The following SCIN variants were observed in gnomAD, a reference collection of about 807,000 sequenced individuals.
SCIN encodes adseverin.
SCIN carries 91 observed loss-of-function variants against 91.8 expected under a neutral mutation model. The ratio of observed to expected loss-of-function variants is 0.99; its 90% CI spans 0.84 to 1.18. SCIN has a LOEUF of 1.18. Among genes scored for constraint, SCIN ranks in the 50% most tolerant of loss-of-function variants. The pLI is 0.00. For synonymous variants in SCIN, 367 were observed against 312.6 expected, an observed-to-expected ratio of 1.17 and a Z score of -1.84; for missense variants, 1,087 against 863.9, an observed-to-expected ratio of 1.26 and a Z score of -3.24.
chr7:12,570,864 G>C lies in SCIN; in HGVS notation c.78G>C (p.Lys26Asn). The C allele has an allele frequency of 6.4e-7, 1 of 1,551,638 alleles. No homozygotes were observed. The highest frequency in any genetic ancestry group is 8.7e-7 in the Non-Finnish European group (1 of 1,146,980). Residue 26 changes from lysine to asparagine, a missense_variant, in exon 1 of 16, where the codon AAG (lysine) becomes AAC (asparagine). Transcript: ENST00000297029. ...GGCTGCAGGTCTGGAGGATTGAGAAGCTGGAGCTGGTGCCCGTGCCCCAGA... is the reference window on the plus strand; with the variant it reads ...GGCTGCAGGTCTGGAGGATTGAGAACCTGGAGCTGGTGCCCGTGCCCCAGA... ...QAGLQVWRIE[K>N]LELVPVPQSA...
At chr7:12,571,011 C>G (rs559114429) in intron 1 of SCIN, 26 bp downstream of exon 1, 24 of 1,540,634 alleles carry the variant, frequency 1.6e-5, no homozygotes, top group South Asian at 4.8e-5. Flanking sequence ...CGGCGGGACC[C>G]CGACGCACCA....
rs1403150256 is a variant in SCIN at position 12,608,314 on chromosome 7, C to T, written c.666+3651C>T. Reference sequence around the variant, plus strand: ...TCCAAACCAGTCTATACTATGCATGCACACATGCACACACACACACACACA... The same window carrying T: ...TCCAAACCAGTCTATACTATGCATGTACACATGCACACACACACACACACA... On this transcript the variant is annotated intron_variant, in intron 4 of 15. Coordinates refer to ENST00000297029, the MANE Select transcript of SCIN (RefSeq NM_001112706.3). Among the ~76,000 whole-genome samples the T allele has an allele frequency of 4.4e-5, 3 of 68,682 alleles. No homozygotes were observed. In the South Asian group the frequency reaches 2.5e-3, roughly 58 times the overall value. The allele number at this position is 68,682 out of a possible 152,430, so 45.1% of individuals were successfully genotyped here.
At chr7:12,611,603 C>G (rs1783193097) in intron 4 of SCIN, among the ~76,000 whole-genome samples, 1 of 152,142 alleles carries the variant, frequency 6.6e-6, no homozygotes, top group South Asian at 2.1e-4. Flanking sequence ...ATCAATCATT[C>G]TCCATTTATC....
intron 1 of SCIN, 64 bp from the exon 2 acceptor site, chr7:12,578,000 C>T: frequency 7.2e-7 from 1 of 1,387,172 alleles, no homozygotes; most frequent in East Asian, 2.7e-5. Flanking sequence ...TCTTTCATAT[C>T]AGAAATTCTG....
chr7:12,591,914 T>G (rs1487432291), intron 3 of SCIN, among the ~76,000 whole-genome samples: 1 of 151,790 alleles, frequency 6.6e-6, no homozygotes, highest in Non-Finnish European at 1.5e-5. Context: ...AGCGAGAAAG[T>G]TTAAGAGAGC....
In SCIN at chr7:12,579,580, G is replaced by A. The variant is rs528325414; in HGVS notation, c.354+1362G>A. On this transcript the variant is annotated intron_variant, in intron 2 of 15. Transcript: ENST00000297029. ...TCCCCAAACAATGAATATTATAACA[G>A]TTTCCTCATACAGGTGTTGTATTAA... is the stretch of plus-strand genomic sequence containing the variant. Among the ~76,000 whole-genome samples the A allele has an allele frequency of 7.2e-5, 11 of 152,266 alleles. No homozygotes were observed. In the East Asian group the frequency reaches 1.7e-3, roughly 24 times the overall value.
intron 4 of SCIN, among the ~76,000 whole-genome samples, chr7:12,606,609 T>A (rs1783084427): frequency 6.6e-6 from 1 of 152,158 alleles, no homozygotes; most frequent in African/African-American, 2.4e-5. Flanking sequence ...GAATATAAAA[T>A]TTTATATGCA....
rs777348008 is a variant in SCIN, at chr7:12,640,515, G to T, written c.1579G>T (p.Glu527Ter). The change falls in exon 11 of 16, where the codon GAG (glutamate) becomes TAG (stop). Residue 527 changes from glutamate (E) to a stop codon, truncating the protein, a stop_gained and splice_region_variant. Coordinates refer to ENST00000297029, the MANE Select transcript of SCIN (RefSeq NM_001112706.3). LOFTEE classifies it high-confidence loss of function. ...RNLASITRIVEVDVDANSLNS... is the reference protein window; with the variant it reads ...RNLASITRIV ...CCTGGCATCTATCACCAGAATTGTGGAGGTAATGTCATGCATTCCATAAAA... is the reference window on the plus strand; with the variant it reads ...CCTGGCATCTATCACCAGAATTGTGTAGGTAATGTCATGCATTCCATAAAA... The T allele has an allele frequency of 6.2e-7, 1 of 1,607,688 alleles. No homozygotes were observed. The highest frequency in any genetic ancestry group is 8.5e-7 in the Non-Finnish European group (1 of 1,177,152).
chr7:12,651,919 A>C lies in SCIN; in HGVS notation c.2020+18A>C. On this transcript the variant is annotated intron_variant, in intron 15 of 15. Transcript: ENST00000297029. The surrounding 1 kb of genome is among the most constrained non-coding windows in gnomAD (Gnocchi z 5.9). ...GAAGTCTGGTAAGCTCAATCGATGG[A>C]CCATTATAGCAGTAACCGGGCACCA... 6.3e-7 allele frequency: 1 copy of C among 1,575,960 alleles called. No homozygotes were observed. The highest frequency in any genetic ancestry group is 2.3e-5 in the East Asian group (1 of 44,420).
rs377329796 is a variant in SCIN at position 12,644,648 on chromosome 7, G to A, written c.1824G>A (p.Gln608=). Residue 608 remains glutamine, a synonymous_variant, in exon 13 of 16, where the codon CAG becomes CAA. Transcript: ENST00000297029. ...AGACCTCACCACTACTGGAAACCCA[G>A]GCTGAAGACCATCCACCTCGGCTTT... ...DYQTSPLLET[Q]AEDHPPRLYG... is the part of the protein sequence containing the mutation. 3.4e-5 allele frequency: 55 copies of A among 1,602,328 alleles called. No individual in the cohort carries two copies. Among genetic ancestry groups the A allele is most frequent in the Middle Eastern group, 3.3e-4 (2 of 6,052 alleles).
At chr7:12,580,253 T>G (rs949911367) in intron 2 of SCIN, among the ~76,000 whole-genome samples, 1 of 152,010 alleles carries the variant, frequency 6.6e-6, no homozygotes, top group Admixed American at 6.6e-5. Flanking sequence ...TTATAATTAA[T>G]AGTAGAAATA....
chr7:12,586,517 A>G (rs1039940315), intron 3 of SCIN, among the ~76,000 whole-genome samples: 1 of 152,198 alleles, frequency 6.6e-6, no homozygotes, highest in Non-Finnish European at 1.5e-5. Flanking sequence ...GAAAAACATT[A>G]TGGAAGTTTC....
intron 4 of SCIN, among the ~76,000 whole-genome samples, chr7:12,614,199 G>C (rs371771716): frequency 6.6e-6 from 1 of 152,124 alleles, no homozygotes; most frequent in East Asian, 1.9e-4. Context: ...GTTCTACAAG[G>C]GTAAATGTAG....
chr7:12,584,271 G>A (rs978347218), intron 3 of SCIN, among the ~76,000 whole-genome samples: 4 of 152,158 alleles, frequency 2.6e-5, no homozygotes, highest in Admixed American at 2.6e-4. Context: ...GCATCAGAGA[G>A]CCTAAAAGGA....
chr7:12,618,512 T>C (rs1783342218), intron 4 of SCIN, among the ~76,000 whole-genome samples: 1 of 152,188 alleles, frequency 6.6e-6, no homozygotes, highest in Non-Finnish European at 1.5e-5. Context: ...AAAGGTATTT[T>C]TGAGGCCATC....
chr7:12,614,963 T>C (rs1215737795), intron 4 of SCIN, among the ~76,000 whole-genome samples: 1 of 152,142 alleles, frequency 6.6e-6, no homozygotes. Context: ...TGCTACATCC[T>C]TACTTTACAG....
rs1363329650 is a variant in SCIN, at chr7:12,640,535, A to G, written c.1581+18A>G. On this transcript the variant is annotated intron_variant, in intron 11 of 15. Coordinates refer to ENST00000297029, the MANE Select transcript of SCIN (RefSeq NM_001112706.3). ...TTGTGGAGGTAATGTCATGCATTCC[A>G]TAAAACATGCCCTAGTTATGGACTT... is the stretch of plus-strand genomic sequence containing the variant. 1 of 1,588,394 alleles carries G rather than the reference A, an allele frequency of 6.3e-7. No homozygotes were observed. Among genetic ancestry groups the G allele is most frequent in the Admixed American group, 1.8e-5 (1 of 56,168 alleles).
chr7:12,640,942 A>G (rs1012531130), intron 11 of SCIN, among the ~76,000 whole-genome samples: 3 of 152,184 alleles, frequency 2.0e-5, no homozygotes, highest in African/African-American at 7.2e-5. Flanking sequence ...ACTGGACCAG[A>G]ACCATAACTG....
chr7:12,629,303 G>T, intron 9 of SCIN, 81 bp downstream of exon 9: 1 of 1,296,350 alleles, frequency 7.7e-7, no homozygotes. Flanking sequence ...GCATTATGGG[G>T]TAGAATAATC....
Sources: allele counts gnomAD v4.1 joint callset (sites outside exome capture counted in the v4.1 genomes callset), GRCh38; gene constraint gnomAD v4.1.1; non-coding constraint Gnocchi (gnomAD v3.1); transcripts MANE v1.5; gene names NCBI Gene and HGNC (gene_info 2026-07-23, HGNC 2026-07-21).